Variants in MSL2 observed in about 807,000 individuals in gnomAD.
The protein encoded by MSL2 is MSL complex subunit 2.
A neutral mutation model predicts 35.8 loss-of-function variants in MSL2; 2 were observed. The observed-to-expected ratio is 0.06, with a 90% confidence interval of 0.02 to 0.18. The LOEUF (loss-of-function observed/expected upper bound fraction) is 0.18, where lower values mean the gene tolerates loss of function less well. MSL2 is among the 10% of genes least tolerant of loss of function. The pLI, the probability that MSL2 is intolerant of heterozygous loss-of-function variation, is 1.00. For synonymous variants in MSL2, 296 were observed against 255.7 expected, an observed-to-expected ratio of 1.16 and a Z score of -1.50; for missense variants, 523 against 706.7, an observed-to-expected ratio of 0.74 and a Z score of 2.95.
chr3:136,193,685 G>A lies in MSL2; in HGVS notation c.142+1287C>T, dbSNP rs548984655. 3.3e-5 allele frequency among the ~76,000 whole-genome samples: 5 copies of A among 152,048 alleles called. No individual in the cohort carries two copies. The East Asian group carries it at 7.7e-4, about 24-fold the overall frequency. ...TACATTTGTAAAACTTAAGCTGAAA[G>A]GAAACTGAATCTAGCCGAAAATTAT... is the stretch of plus-strand genomic sequence containing the variant. On this transcript the variant is annotated intron_variant, in intron 1 of 1. Transcript: ENST00000309993.
chr3:136,189,922 T>C (rs1490831534), intron 1 of MSL2, among the ~76,000 whole-genome samples: 1 of 151,970 alleles, frequency 6.6e-6, no homozygotes, highest in African/African-American at 2.4e-5. Context: ...TGGTAAGTTT[T>C]CTACAAATAT....
At chr3:136,180,585 A>T (rs1418849085) in intron 1 of MSL2, among the ~76,000 whole-genome samples, 1 of 151,436 alleles carries the variant, frequency 6.6e-6, no homozygotes, top group Non-Finnish European at 1.5e-5. Context: ...CTGTAATCCC[A>T]GCTACTCGGG....
chr3:136,184,976 C>A (rs540790610), intron 1 of MSL2, among the ~76,000 whole-genome samples: 1 of 152,164 alleles, frequency 6.6e-6, no homozygotes, highest in South Asian at 2.1e-4. Flanking sequence ...ACAGTAACCA[C>A]CAACTCATTT....
Position 136,195,416 on chromosome 3 carries a change from C to G in MSL2, c.-303G>C. On this transcript the variant is annotated 5_prime_UTR_variant, in exon 1 of 2. Transcript: ENST00000309993. ...AACGCGGCGGCTTGGGCGCTCGGGG[C>G]GGGACTCGGAGCTCAGTCTAGCCCC... 1 of 1,123,064 alleles carries G rather than the reference C, an allele frequency of 8.9e-7. No homozygotes were observed. Among genetic ancestry groups the G allele is most frequent in the African/African-American group, 1.7e-5 (1 of 60,456 alleles). The allele number at this position is 1,123,064 out of a possible 1,614,324, so 69.6% of individuals were successfully genotyped here.
chr3:136,158,557 A>C (rs751431445), intron 1 of MSL2, among the ~76,000 whole-genome samples: 26 of 152,218 alleles, frequency 1.7e-4, no homozygotes, highest in Non-Finnish European at 2.9e-4. Context: ...AGGAACAAGG[A>C]AAGGATGCCT....
Position 136,150,448 on chromosome 3 carries a change from T to C in MSL2, c.*699A>G, listed in dbSNP as rs1939323516. ...AACTACTCTCCTTCATTTATCCAATTAGAACACTGCTCAAAGTGAAGGAGG... is the reference window on the plus strand; with the variant it reads ...AACTACTCTCCTTCATTTATCCAATCAGAACACTGCTCAAAGTGAAGGAGG... On this transcript the variant is annotated 3_prime_UTR_variant, in exon 2 of 2. Coordinates refer to ENST00000309993, the MANE Select transcript of MSL2 (RefSeq NM_018133.4). 6.6e-6 allele frequency: 1 copy of C among 152,664 alleles called. No individual in the cohort carries two copies. The highest frequency in any genetic ancestry group is 2.4e-5 in the African/African-American group (1 of 41,460). 9.5% of individuals were successfully genotyped at this position (152,664 alleles called of 1,614,324 possible).
chr3:136,152,515 T>C lies in MSL2; in HGVS notation c.366A>G (p.Ala122=), dbSNP rs141804917. ...CCAAAATATCAGAAGAACAGTCAAC[T>C]GCTTCTATTATATCCCGTGCCAGTG... ...QTTLARDIIE[A]VDCSSDILAL... is the part of the protein sequence containing the mutation. Residue 122 remains alanine (A), a synonymous_variant, in exon 2 of 2, where the codon GCA becomes GCG. Coordinates refer to ENST00000309993, the MANE Select transcript of MSL2 (RefSeq NM_018133.4). 2.3e-4 allele frequency: 370 copies of C among 1,614,234 alleles called. 1 individual carries two copies. Among genetic ancestry groups the C allele is most frequent in the Middle Eastern group, 2.0e-3 (12 of 6,062 alleles).
chr3:136,194,504 C>T, intron 1 of MSL2: 1 of 970,590 alleles, frequency 1.0e-6, no homozygotes, highest in Non-Finnish European at 1.2e-6. Context: ...GCCGGGTTCT[C>T]CAGCTGTGGG....
chr3:136,195,629 G>C lies in MSL2; in HGVS notation c.-516C>G. On this transcript the variant is annotated 5_prime_UTR_variant, in exon 1 of 2. Coordinates refer to ENST00000309993, the MANE Select transcript of MSL2 (RefSeq NM_018133.4). The stretch of plus-strand genomic sequence containing the variant: ...AGGCGGCGGCGACGGCAAGGACGAC[G>C]GTCGGGCAGCGGCTTCCCGGATCTA... 1 of 980,770 alleles carries C rather than the reference G, an allele frequency of 1.0e-6. No homozygotes were observed. Among genetic ancestry groups the C allele is most frequent in the South Asian group, 4.7e-5 (1 of 21,274 alleles). 60.8% of individuals were successfully genotyped at this position (980,770 alleles called of 1,614,324 possible). A position where few individuals can be genotyped will look rare whatever the true frequency, so the allele number is the denominator to read the frequency against.
chr3:136,180,752 A>AGGAGGGAAGGAGGGAG (rs1176456659), intron 1 of MSL2, among the ~76,000 whole-genome samples: 1 of 85,912 alleles, frequency 1.2e-5, no homozygotes, highest in Non-Finnish European at 2.2e-5. Context: ...AGAGGAGGGA[A>AGGAGGGAAGGAGGGAG]GGAGGGAAGG....
intron 1 of MSL2, among the ~76,000 whole-genome samples, chr3:136,157,585 A>G (rs540649156): frequency 9.8e-4 from 149 of 152,344 alleles, no homozygotes; most frequent in African/African-American, 3.3e-3. Flanking sequence ...AGAAAAATAA[A>G]TAACACCAAA....
In MSL2 at chr3:136,184,144, A is replaced by T. The variant is rs1030875530; in HGVS notation, c.142+10828T>A. ...CCCCGTCTCTACTAAAAATACAAAA[A>T]ATTAGCCGGGCGTTGACGGTGGGCG... On this transcript the variant is annotated intron_variant, in intron 1 of 1. Coordinates refer to ENST00000309993, the MANE Select transcript of MSL2 (RefSeq NM_018133.4). Among the ~76,000 whole-genome samples, 8 of 151,850 alleles carry T rather than the reference A, an allele frequency of 5.3e-5. No homozygotes were observed. The East Asian group carries it at 5.8e-4, about 11-fold the overall frequency.
intron 1 of MSL2, among the ~76,000 whole-genome samples, chr3:136,162,272 T>TA (rs1297540832): frequency 1.3e-4 from 20 of 148,420 alleles, no homozygotes; most frequent in Admixed American, 1.2e-3. Flanking sequence ...CATAAGGTTT[T>TA]TAAAAAAAAA....
chr3:136,159,529 A>ATTTTTTTTT (rs71624086), intron 1 of MSL2, among the ~76,000 whole-genome samples: 39 of 135,914 alleles, frequency 2.9e-4, no homozygotes, highest in Non-Finnish European at 2.4e-4. Context: ...ACGCCCAGCT[A>ATTTTTTTTT]TTTTTTTTTT....
At chr3:136,178,616 T>C (rs954168243) in intron 1 of MSL2, among the ~76,000 whole-genome samples, 65 of 151,168 alleles carry the variant, frequency 4.3e-4, no homozygotes, top group Non-Finnish European at 7.1e-4. Flanking sequence ...CACTGCAACC[T>C]TGCCTCACAA....
At chr3:136,167,276 T>TC (rs1227106901) in intron 1 of MSL2, among the ~76,000 whole-genome samples, 4 of 150,498 alleles carry the variant, frequency 2.7e-5, no homozygotes, top group Non-Finnish European at 5.9e-5. Flanking sequence ...GCAAAAGAAA[T>TC]CCCAATGAAA....
At chr3:136,183,885 G>C (rs1391653114) in intron 1 of MSL2, among the ~76,000 whole-genome samples, 4 of 152,180 alleles carry the variant, frequency 2.6e-5, no homozygotes, top group Admixed American at 1.3e-4. Context: ...TGTTTTAACT[G>C]ACCAGAAATA....
In MSL2 at chr3:136,194,151, T is replaced by C. The variant is rs143304734; in HGVS notation, c.142+821A>G. ...GCTTTGGCAGTTGCCCTTTCTTTTG[T>C]ATTAACGTTTCAGTCCAGGTTTTTC... is the stretch of plus-strand genomic sequence containing the variant. On this transcript the variant is annotated intron_variant, in intron 1 of 1. Transcript: ENST00000309993. Among the ~76,000 whole-genome samples the C allele has an allele frequency of 1.7e-4, 26 of 152,354 alleles. 1 individual carries two copies. The East Asian group carries it at 5.0e-3, about 29-fold the overall frequency.
chr3:136,188,216 A>G (rs781635811), intron 1 of MSL2, among the ~76,000 whole-genome samples: 2 of 152,128 alleles, frequency 1.3e-5, no homozygotes, highest in Non-Finnish European at 2.9e-5. Context: ...GGGGGAGTTC[A>G]CAAGGTACAG....
Sources: gnomAD v4.1 joint callset for allele counts (sites outside exome capture counted in the v4.1 genomes callset) on GRCh38, gnomAD v4.1.1 for gene constraint, MANE v1.5 for transcripts, NCBI Gene and HGNC (gene_info 2026-07-23, HGNC 2026-07-21) for gene names.